The following OR1A1 variants were observed in gnomAD, a reference collection of about 807,000 sequenced individuals.
The protein encoded by OR1A1 is olfactory receptor 1A1.
For missense variants in OR1A1, 391 were observed against 379.9 expected (o/e 1.03, Z -0.24); for synonymous variants, 145 against 147.8 (o/e 0.98, Z 0.13).
At position 3,215,912 on chromosome 17, in the gene OR1A1, C is replaced by T. The variant is rs770963959; in HGVS notation, c.292C>T (p.Leu98=). The T allele has an allele frequency of 6.8e-6, 11 of 1,614,074 alleles. No individual in the cohort carries two copies. Among genetic ancestry groups the T allele is most frequent in the Non-Finnish European group, 9.3e-6 (11 of 1,180,050 alleles). The change falls in exon 4 of 4, where the codon CTA becomes TTA. Residue 98 remains leucine (L), a synonymous_variant. Transcript: ENST00000641732. ...GSKSISFGGC[L]TQMYFMIALG... ...CAAATCCATCTCTTTTGGGGGATGC[C>T]TAACGCAGATGTATTTCATGATAGC...
Position 3,217,947 on chromosome 17 carries a change from G to C in OR1A1, c.*1397G>C, listed in dbSNP as rs1375227377. ...AAATGGGATCTAATTAAACTAAAGA[G>C]CTTCTGCACAGCAAAAGAAACTATC... On this transcript the variant is annotated 3_prime_UTR_variant, in exon 4 of 4. Transcript: ENST00000641732. 6.6e-6 allele frequency: 1 copy of C among 152,150 alleles called. No individual in the cohort carries two copies. The highest frequency in any genetic ancestry group is 1.5e-5 in the Non-Finnish European group (1 of 68,022). 9.4% of individuals were successfully genotyped at this position (152,150 alleles called of 1,614,324 possible).
chr17:3,214,775 A>T (rs1434282879), intron 3 of OR1A1: 1 of 152,134 alleles, frequency 6.6e-6, no homozygotes, highest in Admixed American at 6.5e-5. Flanking sequence ...GAGTCACCCA[A>T]AGAAATAATT....
intron 2 of OR1A1, among the ~76,000 whole-genome samples, chr17:3,210,598 T>G (rs888226768): frequency 3.3e-5 from 5 of 152,236 alleles, no homozygotes; most frequent in African/African-American, 7.2e-5. Context: ...TGGTCCTTTT[T>G]TTGTTGTTGT....
rs1418622668 is a variant in OR1A1 at position 3,208,729 on chromosome 17, T to G, written c.-408T>G. On this transcript the variant is annotated 5_prime_UTR_variant, in exon 2 of 4. Transcript: ENST00000641732. ...CCCGCTACGTCTCCAGCATGCATGT[T>G]GAGGCACCTCCTGGCTTCTCTTCTT... The G allele has an allele frequency of 1.3e-5, 2 of 152,162 alleles. No homozygotes were observed. Among genetic ancestry groups the G allele is most frequent in the African/African-American group, 4.8e-5 (2 of 41,406 alleles). 9.4% of individuals were successfully genotyped at this position (152,162 alleles called of 1,614,324 possible).
chr17:3,210,727 T>C (rs1406499953), intron 2 of OR1A1, among the ~76,000 whole-genome samples: 1 of 152,078 alleles, frequency 6.6e-6, no homozygotes, highest in Non-Finnish European at 1.5e-5. Context: ...TGCCTCAGCC[T>C]CCCAAGTAGC....
chr17:3,211,209 C>T (rs1436731293), intron 2 of OR1A1, among the ~76,000 whole-genome samples: 10 of 152,130 alleles, frequency 6.6e-5, no homozygotes, highest in East Asian at 5.8e-4. Flanking sequence ...ATTTCTTTGT[C>T]GGTCTCTAAC....
Position 3,216,282 on chromosome 17 carries a change from TCTC to T in OR1A1, c.664_666del (p.Ser222del). Reference sequence around the variant, plus strand: ...ATCATTGTCTCCTATATTCGAGTCTTCTCCACAGTCTTCCAGGTTCCTTCCACC... The same window carrying T: ...ATCATTGTCTCCTATATTCGAGTCTTCACAGTCTTCCAGGTTCCTTCCACC... On this transcript the variant is annotated inframe_deletion, in exon 4 of 4. Transcript: ENST00000641732. The T allele has an allele frequency of 6.2e-7, 1 of 1,614,214 alleles. No individual in the cohort carries two copies. Among genetic ancestry groups the T allele is most frequent in the Non-Finnish European group, 8.5e-7 (1 of 1,180,038 alleles).
chr17:3,214,983 G>A (rs2048459615), intron 3 of OR1A1: 1 of 152,264 alleles, frequency 6.6e-6, no homozygotes, highest in African/African-American at 2.4e-5. Context: ...TGGTCCCTGT[G>A]ATTTACAATC....
At position 3,215,782 on chromosome 17, in the gene OR1A1, C is replaced by T; in HGVS notation, c.162C>T (p.Arg54=). ...LIVLAICSDV[R]LHNPMYFLLA... Reference sequence around the variant, plus strand: ...TCCTAGCCATTTGCTCTGATGTTCGCCTTCACAACCCCATGTATTTTCTCC... The same window carrying T: ...TCCTAGCCATTTGCTCTGATGTTCGTCTTCACAACCCCATGTATTTTCTCC... The change falls in exon 4 of 4, where the codon CGC becomes CGT. Residue 54 remains arginine, a synonymous_variant. Coordinates refer to ENST00000641732, the MANE Select transcript of OR1A1 (RefSeq NM_014565.3). 2 of 1,614,116 alleles carry T rather than the reference C, an allele frequency of 1.2e-6. No homozygotes were observed. The highest frequency in any genetic ancestry group is 2.2e-5 in the East Asian group (1 of 44,880).
Position 3,207,680 on chromosome 17 carries a change from G to T in OR1A1, c.-877G>T, listed in dbSNP as rs11078440. The T allele has an allele frequency of 0.36, 54,790 of 152,088 alleles. 9,985 individuals are homozygous for T. Among genetic ancestry groups the T allele is most frequent in the East Asian group, 0.56 (2,865 of 5,144 alleles). The allele number at this position is 152,088 out of a possible 1,614,324, so 9.4% of individuals were successfully genotyped here. A position where few individuals can be genotyped will look rare whatever the true frequency, so the allele number is the denominator to read the frequency against. ...TCGGGGTAGCTCCTCTTGTCCCTTC[G>T]GCTCCCCTGTTGGGAAACTGGGGAC... On this transcript the variant is annotated 5_prime_UTR_variant, in exon 1 of 4. Transcript: ENST00000641732.
chr17:3,212,414 T>G (rs952799804), intron 2 of OR1A1, 53 bp from the exon 3 acceptor site: 3 of 149,660 alleles, frequency 2.0e-5, no homozygotes, highest in African/African-American at 4.9e-5. Flanking sequence ...GTGTTTTGGG[T>G]TTTTTTTTTC....
Position 3,216,698 on chromosome 17 carries a change from G to T in OR1A1, c.*148G>T, listed in dbSNP as rs2048472363. On this transcript the variant is annotated 3_prime_UTR_variant, in exon 4 of 4. Coordinates refer to ENST00000641732, the MANE Select transcript of OR1A1 (RefSeq NM_014565.3). The stretch of plus-strand genomic sequence containing the variant: ...CAGAACTCTTATAACATTTTAATAA[G>T]TTAATAATAAGTGATTATTGAAATT... The T allele has an allele frequency of 3.3e-6, 2 of 614,234 alleles. No individual in the cohort carries two copies. The highest frequency in any genetic ancestry group is 5.4e-6 in the Non-Finnish European group (2 of 367,370). 38.0% of individuals were successfully genotyped at this position (614,234 alleles called of 1,614,324 possible).
Position 3,216,509 on chromosome 17 carries a change from G to C in OR1A1, c.889G>C (p.Ala297Pro). 3.1e-6 allele frequency: 5 copies of C among 1,613,854 alleles called. No homozygotes were observed. Among genetic ancestry groups the C allele is most frequent in the Non-Finnish European group, 4.2e-6 (5 of 1,179,836 alleles). Residue 297 changes from alanine (A) to proline (P), a missense_variant, in exon 4 of 4, where the codon GCT becomes CCT. Coordinates refer to ENST00000641732, the MANE Select transcript of OR1A1 (RefSeq NM_014565.3). ...CAGTCTGAGAAATCGGGACATGAAG[G>C]CTGCCCTGCGGAAACTCTTCAACAA... Reference protein sequence around the residue: ...IYSLRNRDMKAALRKLFNKRI... With the variant: ...IYSLRNRDMKPALRKLFNKRI...
intron 2 of OR1A1, among the ~76,000 whole-genome samples, chr17:3,211,024 T>C (rs933640311): frequency 6.6e-6 from 1 of 152,210 alleles, no homozygotes; most frequent in African/African-American, 2.4e-5. Flanking sequence ...GTTAATCCTT[T>C]AGGAATTATT....
Position 3,208,696 on chromosome 17 carries a change from A to C in OR1A1, c.-441A>C, listed in dbSNP as rs1307957617. ...CAAGGCCCTGACGTCATCCCAGTGAACTCAAGGCCCGCTACGTCTCCAGCA... is the reference window on the plus strand; with the variant it reads ...CAAGGCCCTGACGTCATCCCAGTGACCTCAAGGCCCGCTACGTCTCCAGCA... On this transcript the variant is annotated 5_prime_UTR_variant, in exon 2 of 4. Transcript: ENST00000641732. 1 of 151,694 alleles carries C rather than the reference A, an allele frequency of 6.6e-6. No individual in the cohort carries two copies. 9.4% of individuals were successfully genotyped at this position (151,694 alleles called of 1,614,324 possible). A position where few individuals can be genotyped will look rare whatever the true frequency, so the allele number is the denominator to read the frequency against.
In OR1A1 at chr17:3,215,713, C is replaced by G. The variant is rs749594794; in HGVS notation, c.93C>G (p.Phe31Leu). 5 of 1,614,018 alleles carry G rather than the reference C, an allele frequency of 3.1e-6. No homozygotes were observed. The African/African-American group carries it at 5.3e-5, about 17-fold the overall frequency. ...AGGAAGATTTCTTCTACATCCTCTTCTTGTTCATTTACCCCATCACATTGA... is the reference window on the plus strand; with the variant it reads ...AGGAAGATTTCTTCTACATCCTCTTGTTGTTCATTTACCCCATCACATTGA... ...QEQEDFFYIL[F>L]LFIYPITLIG... Residue 31 changes from phenylalanine (F) to leucine (L), a missense_variant, in exon 4 of 4, where the codon TTC becomes TTG. By Grantham distance (22) the Phe-to-Leu change is conservative. Transcript: ENST00000641732.
In OR1A1 at chr17:3,215,946, A is replaced by T; in HGVS notation, c.326A>T (p.Asn109Ile). 6.2e-7 allele frequency: 1 copy of T among 1,614,168 alleles called. No homozygotes were observed. Among genetic ancestry groups the T allele is most frequent in the Non-Finnish European group, 8.5e-7 (1 of 1,180,030 alleles). ...ATGTATTTCATGATAGCCTTGGGTAACACAGACAGCTATATTTTGGCTGCA... is the reference window on the plus strand; with the variant it reads ...ATGTATTTCATGATAGCCTTGGGTATCACAGACAGCTATATTTTGGCTGCA... ...TQMYFMIALG[N>I]TDSYILAAMA... is the part of the protein sequence containing the mutation. Residue 109 changes from asparagine to isoleucine, a missense_variant, in exon 4 of 4, where the codon AAC (asparagine) becomes ATC (isoleucine). Coordinates refer to ENST00000641732, the MANE Select transcript of OR1A1 (RefSeq NM_014565.3).
intron 3 of OR1A1, chr17:3,214,203 A>G (rs1170876118): frequency 1.3e-5 from 2 of 152,214 alleles, no homozygotes; most frequent in Non-Finnish European, 2.9e-5. Context: ...TGATACATAC[A>G]ATAGAAAATA....
chr17:3,217,618 A>C lies in OR1A1; in HGVS notation c.*1068A>C, dbSNP rs1203116397. 1 of 152,188 alleles carries C rather than the reference A, an allele frequency of 6.6e-6. No individual in the cohort carries two copies. The highest frequency in any genetic ancestry group is 1.9e-4 in the East Asian group (1 of 5,194). The allele number at this position is 152,188 out of a possible 1,614,324, so 9.4% of individuals were successfully genotyped here. A position where few individuals can be genotyped will look rare whatever the true frequency, so the allele number is the denominator to read the frequency against. On this transcript the variant is annotated 3_prime_UTR_variant, in exon 4 of 4. Coordinates refer to ENST00000641732, the MANE Select transcript of OR1A1 (RefSeq NM_014565.3). ...GAACAGAACAGAGACCTCACAAATAACACCACACATCTACAACCATCTGAT... is the reference window on the plus strand; with the variant it reads ...GAACAGAACAGAGACCTCACAAATACCACCACACATCTACAACCATCTGAT...
Sources: gnomAD v4.1 joint callset for allele counts (sites outside exome capture counted in the v4.1 genomes callset) on GRCh38, gnomAD v4.1.1 for gene constraint, MANE v1.5 for transcripts, NCBI Gene and HGNC (gene_info 2026-07-23, HGNC 2026-07-21) for gene names.